Variants in NEIL3 observed in about 807,000 individuals in gnomAD.
NEIL3 encodes the protein nei like DNA glycosylase 3, also known as endonuclease 8-like 3.
In NEIL3, 48 loss-of-function variants were observed where a neutral mutation model predicts 57.5. That is an observed-to-expected ratio of 0.83 (90% CI 0.66 to 1.06). The LOEUF (loss-of-function observed/expected upper bound fraction) is 1.06. NEIL3 is among the 50% of genes least tolerant of loss of function. NEIL3 has a pLI of 0.00. For missense variants in NEIL3, 717 were observed against 739.1 expected (o/e 0.97, Z 0.35); for synonymous variants, 261 against 253.2 (o/e 1.03, Z -0.29).
At chr4:177,332,437 T>G (rs1477386323) in intron 2 of NEIL3, among the ~76,000 whole-genome samples, 1 of 152,136 alleles carries the variant, frequency 6.6e-6, no homozygotes, top group Non-Finnish European at 1.5e-5. Flanking sequence ...GTATAAGACA[T>G]ATTGTTTGGG....
In NEIL3 at chr4:177,335,724, T is replaced by C; in HGVS notation, c.315T>C (p.Asn105=). ...HFGMKGFIMI[N]PLEYKYKNGA... is the part of the protein sequence containing the mutation. ...GAATGAAAGGCTTCATCATGATTAA[T>C]CCACTTGAGTATAAATATAAAAATG... The change falls in exon 3 of 10, where the codon AAT becomes AAC. Residue 105 remains asparagine (N), a synonymous_variant. Transcript: ENST00000264596. The C allele has an allele frequency of 6.2e-7, 1 of 1,605,040 alleles. No individual in the cohort carries two copies. The highest frequency in any genetic ancestry group is 8.5e-7 in the Non-Finnish European group (1 of 1,176,846).
intron 2 of NEIL3, among the ~76,000 whole-genome samples, chr4:177,322,907 C>T (rs1050254454): frequency 4.6e-5 from 7 of 152,146 alleles, no homozygotes; most frequent in Non-Finnish European, 8.8e-5. Flanking sequence ...TCAGTGACAT[C>T]GGTTACTTTA....
Position 177,351,446 on chromosome 4 carries a change from C to T in NEIL3, c.936C>T (p.Ser312=), listed in dbSNP as rs138744063. The change falls in exon 7 of 10, where the codon TCC becomes TCT. Residue 312 remains serine, a synonymous_variant. Transcript: ENST00000264596. ...GCAGGGTGGATCATGTTATGGACTC[C>T]GTGGCTCGGAAGTCGGAAGAGCACT... ...TSSRVDHVMD[S]VARKSEEHWT... 24 of 1,613,650 alleles carry T rather than the reference C, an allele frequency of 1.5e-5. No homozygotes were observed. The highest frequency in any genetic ancestry group is 1.1e-4 in the East Asian group (5 of 44,868).
chr4:177,331,512 C>T (rs1734883975), intron 2 of NEIL3, among the ~76,000 whole-genome samples: 1 of 151,760 alleles, frequency 6.6e-6, no homozygotes, highest in Admixed American at 6.6e-5. Context: ...ATTAATTTAA[C>T]ATTACTTTTA....
chr4:177,327,974 G>C (rs554322224), intron 2 of NEIL3, among the ~76,000 whole-genome samples: 1 of 152,198 alleles, frequency 6.6e-6, no homozygotes, highest in East Asian at 1.9e-4. Flanking sequence ...ACTTTTGCTT[G>C]TGTCTTCATA....
chr4:177,353,019 C>G (rs1735391695), intron 7 of NEIL3, among the ~76,000 whole-genome samples: 1 of 152,084 alleles, frequency 6.6e-6, no homozygotes, highest in African/African-American at 2.4e-5. Flanking sequence ...AAACTGATAA[C>G]TGAGTGACCT....
At chr4:177,317,363 A>G (rs184003263) in intron 1 of NEIL3, among the ~76,000 whole-genome samples, 16 of 152,260 alleles carry the variant, frequency 1.1e-4, no homozygotes, top group Admixed American at 4.6e-4. Context: ...ACATATTTCA[A>G]TTTCCATTGA....
At chr4:177,353,026 A>G (rs1261303127) in intron 7 of NEIL3, among the ~76,000 whole-genome samples, 1 of 152,120 alleles carries the variant, frequency 6.6e-6, no homozygotes, top group Non-Finnish European at 1.5e-5. Context: ...TAACTGAGTG[A>G]CCTTTAAATG....
At chr4:177,347,316 A>G (rs998047276) in intron 6 of NEIL3, among the ~76,000 whole-genome samples, 1 of 152,280 alleles carries the variant, frequency 6.6e-6, no homozygotes, top group African/African-American at 2.4e-5. Context: ...GGAATGAGAG[A>G]CAGAGGCAGC....
rs1338922665 is a variant in NEIL3, at chr4:177,353,339, T to C, written c.1071T>C (p.Thr357=). ...TGCTCAAGAGTGAAGAAAATTCTAC[T>C]GTCTTTAGCCACTTAATGAAGTACC... ...DSVLKSEENS[T]VFSHLMKYPC... Residue 357 remains threonine (T), a synonymous_variant, in exon 8 of 10, where the codon ACT becomes ACC. Coordinates refer to ENST00000264596, the MANE Select transcript of NEIL3 (RefSeq NM_018248.3). 2 of 1,612,808 alleles carry C rather than the reference T, an allele frequency of 1.2e-6. No homozygotes were observed. Among genetic ancestry groups the C allele is most frequent in the Non-Finnish European group, 1.7e-6 (2 of 1,179,700 alleles).
chr4:177,340,831 G>A (rs2110912325), intron 5 of NEIL3, among the ~76,000 whole-genome samples: 1 of 152,248 alleles, frequency 6.6e-6, no homozygotes, highest in East Asian at 1.9e-4. Context: ...ATATTTGTGA[G>A]TGGAATAAAA....
At chr4:177,335,646 A>C in intron 2 of NEIL3, 42 bp from the exon 3 acceptor site, 1 of 1,586,548 alleles carries the variant, frequency 6.3e-7, no homozygotes, top group Non-Finnish European at 8.6e-7. Context: ...TTGATAAATG[A>C]TATACTTTCT....
chr4:177,333,997 C>A (rs1007090796), intron 2 of NEIL3, among the ~76,000 whole-genome samples: 1 of 151,956 alleles, frequency 6.6e-6, no homozygotes, highest in Non-Finnish European at 1.5e-5. Flanking sequence ...TCTTGGGTAA[C>A]CTTTTGGGTT....
At chr4:177,314,303 C>T (rs1734529643) in intron 1 of NEIL3, among the ~76,000 whole-genome samples, 1 of 152,110 alleles carries the variant, frequency 6.6e-6, no homozygotes, top group South Asian at 2.1e-4. Flanking sequence ...TTTTCCATGG[C>T]CATTGTAGCT....
chr4:177,320,086 G>A (rs1734649546), intron 1 of NEIL3, among the ~76,000 whole-genome samples: 1 of 152,050 alleles, frequency 6.6e-6, no homozygotes, highest in Non-Finnish European at 1.5e-5. Context: ...AAGTGTCCTG[G>A]CAAGTTTATA....
At chr4:177,356,943 G>A (rs1735485489) in intron 8 of NEIL3, 1 of 152,184 alleles carries the variant, frequency 6.6e-6, no homozygotes, top group South Asian at 2.1e-4. Context: ...TGATGCAAAG[G>A]CTCACATAGG....
chr4:177,316,124 G>A (rs1045207688), intron 1 of NEIL3, among the ~76,000 whole-genome samples: 1 of 152,078 alleles, frequency 6.6e-6, no homozygotes, highest in Non-Finnish European at 1.5e-5. Context: ...ACTAATAATA[G>A]AACAGTTATG....
rs190886104 is a variant in NEIL3 at position 177,339,754 on chromosome 4, C to G, written c.628-29C>G. 4.0e-6 allele frequency: 6 copies of G among 1,492,130 alleles called. No individual in the cohort carries two copies. In the East Asian group the frequency reaches 1.4e-4, roughly 34 times the overall value. 92.4% of individuals were successfully genotyped at this position (1,492,130 alleles called of 1,614,324 possible). On this transcript the variant is annotated intron_variant, in intron 4 of 9. Transcript: ENST00000264596. The stretch of plus-strand genomic sequence containing the variant: ...TTACAGTAATGAGCAAGTCATGAAA[C>G]TAGGCTCTGCTGTTTTTTCCACTTC...
intron 8 of NEIL3, among the ~76,000 whole-genome samples, chr4:177,357,533 G>A (rs1190481915): frequency 1.3e-5 from 2 of 152,160 alleles, no homozygotes; most frequent in African/African-American, 2.4e-5. Context: ...TAAAATTACA[G>A]ATCTGTGCTT....
Sources: gnomAD v4.1 joint callset for allele counts (sites outside exome capture counted in the v4.1 genomes callset) on GRCh38, gnomAD v4.1.1 for gene constraint, MANE v1.5 for transcripts, NCBI Gene and HGNC (gene_info 2026-07-23, HGNC 2026-07-21) for gene names.